The following IQGAP1 variants were observed in gnomAD, a reference collection of about 807,000 sequenced individuals.
IQGAP1 encodes IQ motif containing GTPase activating protein 1.
IQGAP1 carries 66 observed loss-of-function variants against 215.6 expected under a neutral mutation model. The ratio of observed to expected loss-of-function variants is 0.31; its 90% CI spans 0.25 to 0.38. IQGAP1 has a LOEUF of 0.38. Among genes scored for constraint, IQGAP1 ranks in the 10% least tolerant of loss-of-function variants. The pLI, the probability that IQGAP1 is intolerant of heterozygous loss-of-function variation, is 1.00. For synonymous variants in IQGAP1, 772 were observed against 728.7 expected (o/e 1.06, Z -0.96); for missense variants, 1,712 against 1,997.1 (o/e 0.86, Z 2.72).
rs573526485 is a variant in IQGAP1 at position 90,441,463 on chromosome 15, T to A, written c.650-43T>A. The stretch of plus-strand genomic sequence containing the variant: ...GATATACATCCTGTAATCTATATAA[T>A]CTCAGTGTTTTTGTTGGTTTGTTTT... On this transcript the variant is annotated intron_variant, in intron 7 of 37. Coordinates refer to ENST00000268182, the MANE Select transcript of IQGAP1 (RefSeq NM_003870.4). 3 of 1,526,128 alleles carry A rather than the reference T, an allele frequency of 2.0e-6. No homozygotes were observed. The South Asian group carries it at 3.4e-5, about 17-fold the overall frequency. 94.5% of individuals were successfully genotyped at this position (1,526,128 alleles called of 1,614,324 possible).
chr15:90,449,568 A>G lies in IQGAP1; in HGVS notation c.1087A>G (p.Thr363Ala). The G allele has an allele frequency of 4.3e-6, 7 of 1,612,482 alleles. No homozygotes were observed. Among genetic ancestry groups the G allele is most frequent in the Non-Finnish European group, 5.1e-6 (6 of 1,179,284 alleles). Residue 363 changes from threonine (T) to alanine (A), a missense_variant, in exon 11 of 38, where the codon ACT becomes GCT. By Grantham distance (58) the Thr-to-Ala change is moderately conservative. Coordinates refer to ENST00000268182, the MANE Select transcript of IQGAP1 (RefSeq NM_003870.4). The part of the protein sequence containing the change: ...DKQQKRQSGQ[T>A]DPLQKEELQS... ...TCTTTGCTTTGCTCAGAGTGGTCAG[A>G]CTGACCCCCTGCAGAAGGAGGAGCT...
chr15:90,495,946 ATTAT>A (rs1043096289), intron 36 of IQGAP1, among the ~76,000 whole-genome samples: 8 of 149,398 alleles, frequency 5.4e-5, no homozygotes, highest in South Asian at 2.1e-4. Context: ...TATTATTATT[ATTAT>A]TTATTATTAT....
Position 90,500,679 on chromosome 15 carries a change from T to C in IQGAP1, c.*571T>C, listed in dbSNP as rs946774822. On this transcript the variant is annotated 3_prime_UTR_variant, in exon 38 of 38. Transcript: ENST00000268182. ...GTTTTTCTTTATGGACAGGAGCTAA[T>C]GGAAGTGACAGTCATGTTCAAAGGA... The C allele has an allele frequency of 2.0e-5, 3 of 152,264 alleles. No homozygotes were observed. Among genetic ancestry groups the C allele is most frequent in the African/African-American group, 7.2e-5 (3 of 41,464 alleles). 9.4% of individuals were successfully genotyped at this position (152,264 alleles called of 1,614,324 possible). A position where few individuals can be genotyped will look rare whatever the true frequency, so the allele number is the denominator to read the frequency against.
intron 15 of IQGAP1, among the ~76,000 whole-genome samples, chr15:90,462,884 G>C (rs1289245246): frequency 2.0e-5 from 3 of 152,122 alleles, no homozygotes; most frequent in Non-Finnish European, 4.4e-5. Context: ...CATTTTTACA[G>C]CAAATCTGTT....
chr15:90,460,508 A>G (rs1393622720), intron 15 of IQGAP1, among the ~76,000 whole-genome samples: 3 of 152,348 alleles, frequency 2.0e-5, no homozygotes, highest in Middle Eastern at 3.4e-3. Context: ...AAATAAAGAC[A>G]GCCATGCGAG....
At chr15:90,453,547 A>G (rs1181660017) in intron 13 of IQGAP1, among the ~76,000 whole-genome samples, 6 of 152,238 alleles carry the variant, frequency 3.9e-5, no homozygotes, top group Non-Finnish European at 7.3e-5. Context: ...AATACTTTTT[A>G]AATATCATCT....
intron 2 of IQGAP1, among the ~76,000 whole-genome samples, chr15:90,422,609 CATATATATATAT>C (rs750865545): frequency 9.0e-6 from 1 of 111,202 alleles, no homozygotes; most frequent in Admixed American, 1.1e-4. Context: ...TTGTCTCATT[CATATATATATAT>C]ATATGTATAT....
chr15:90,401,092 C>A (rs958433219), intron 2 of IQGAP1, among the ~76,000 whole-genome samples: 6 of 152,216 alleles, frequency 3.9e-5, no homozygotes, highest in Middle Eastern at 3.4e-3. Context: ...GAGACCATAT[C>A]GTTGAGTTAG....
intron 15 of IQGAP1, among the ~76,000 whole-genome samples, chr15:90,460,588 G>A (rs1229483488): frequency 6.6e-6 from 1 of 152,172 alleles, no homozygotes; most frequent in Admixed American, 6.5e-5. Context: ...GGTAGGAGGG[G>A]CAGATTGGAA....
intron 2 of IQGAP1, among the ~76,000 whole-genome samples, chr15:90,404,738 T>C (rs996523250): frequency 7.3e-6 from 1 of 136,902 alleles, no homozygotes; most frequent in Non-Finnish European, 1.6e-5. Context: ...ATCACCACAC[T>C]CAGCTAATTT....
chr15:90,434,964 G>A (rs1481927904), intron 5 of IQGAP1, among the ~76,000 whole-genome samples: 8 of 152,136 alleles, frequency 5.3e-5, no homozygotes, highest in Non-Finnish European at 1.2e-4. Flanking sequence ...TGCTTGGGCT[G>A]CACTTCTTAT....
chr15:90,400,451 A>G (rs561885784), intron 2 of IQGAP1, among the ~76,000 whole-genome samples: 11 of 152,272 alleles, frequency 7.2e-5, no homozygotes, highest in Non-Finnish European at 1.6e-4. Flanking sequence ...TTTTTAGTTC[A>G]TGAAGAAGAG....
At position 90,433,820 on chromosome 15, in the gene IQGAP1, A is replaced by G. The variant is rs1007197644; in HGVS notation, c.467+25A>G. On this transcript the variant is annotated intron_variant, in intron 5 of 37. Coordinates refer to ENST00000268182, the MANE Select transcript of IQGAP1 (RefSeq NM_003870.4). ...GGTAGTCAAATTTTCTTGGCAAAAT[A>G]AGGAAATTATGAATAACATCTGAAT... 2.8e-6 allele frequency: 4 copies of G among 1,406,460 alleles called. No individual in the cohort carries two copies. The African/African-American group carries it at 4.3e-5, about 15-fold the overall frequency. 87.1% of individuals were successfully genotyped at this position (1,406,460 alleles called of 1,614,324 possible). A position where few individuals can be genotyped will look rare whatever the true frequency, so the allele number is the denominator to read the frequency against.
At position 90,392,748 on chromosome 15, in the gene IQGAP1, C is replaced by CTTT. The variant is rs10701656; in HGVS notation, c.155+1890_155+1892dup. 2.4e-3 allele frequency among the ~76,000 whole-genome samples: 280 copies of CTTT among 117,784 alleles called. 11 individuals carry two copies. Among genetic ancestry groups the CTTT allele is most frequent in the East Asian group, 5.8e-3 (22 of 3,780 alleles). The allele number at this position is 117,784 out of a possible 152,430, so 77.3% of individuals were successfully genotyped here. ...TTTCTTGATTGAAGAATGTTTCTATCTTTTTTTTTTTTTTTTTGTACAGTC... is the reference window on the plus strand; with the variant it reads ...TTTCTTGATTGAAGAATGTTTCTATCTTTTTTTTTTTTTTTTTTTTGTACAGTC... On this transcript the variant is annotated intron_variant, in intron 2 of 37. Coordinates refer to ENST00000268182, the MANE Select transcript of IQGAP1 (RefSeq NM_003870.4).
intron 18 of IQGAP1, among the ~76,000 whole-genome samples, chr15:90,469,234 A>G (rs1162909169): frequency 1.3e-5 from 2 of 152,240 alleles, no homozygotes; most frequent in South Asian, 2.1e-4. Context: ...GTCGTTAGAC[A>G]TATTACTAAC....
intron 18 of IQGAP1, among the ~76,000 whole-genome samples, chr15:90,469,336 GA>G (rs758679702): frequency 7.2e-5 from 11 of 152,126 alleles, no homozygotes; most frequent in Non-Finnish European, 1.2e-4. Flanking sequence ...ATCGTGTGTG[GA>G]ACAAGTCAAA....
intron 36 of IQGAP1, among the ~76,000 whole-genome samples, chr15:90,496,174 C>G (rs1187390995): frequency 6.6e-6 from 1 of 151,902 alleles, no homozygotes; most frequent in Non-Finnish European, 1.5e-5. Flanking sequence ...TTTGTGACTT[C>G]TTTAACTCTC....
chr15:90,407,531 G>C (rs190924347), intron 2 of IQGAP1, among the ~76,000 whole-genome samples: 64 of 152,226 alleles, frequency 4.2e-4, no homozygotes, highest in Non-Finnish European at 8.7e-4. Flanking sequence ...ATTTCCAAAC[G>C]GTGTCTGAGC....
intron 6 of IQGAP1, among the ~76,000 whole-genome samples, chr15:90,439,662 A>G (rs1387411185): frequency 6.6e-6 from 1 of 151,616 alleles, no homozygotes; most frequent in African/African-American, 2.4e-5. Context: ...ATTAACATAT[A>G]TAAAACATAA....
Sources: gnomAD v4.1 joint callset for allele counts (sites outside exome capture counted in the v4.1 genomes callset) on GRCh38, gnomAD v4.1.1 for gene constraint, MANE v1.5 for transcripts, NCBI Gene and HGNC (gene_info 2026-07-23, HGNC 2026-07-21) for gene names.